The following SAP30BP variants were observed in gnomAD, a reference collection of about 807,000 sequenced individuals.
The protein encoded by SAP30BP is SAP30-binding protein.
In SAP30BP, 31 loss-of-function variants were observed where a neutral mutation model predicts 46.3. The observed-to-expected ratio is 0.67, with a 90% CI of 0.50 to 0.90. The LOEUF is 0.90. Ranked by LOEUF, SAP30BP falls within the 40% of genes least tolerant of loss-of-function variation. The pLI is 0.00. For missense variants in SAP30BP, 312 were observed against 391.0 expected, an observed-to-expected ratio of 0.80 and a Z score of 1.70; for synonymous variants, 169 against 144.2, an observed-to-expected ratio of 1.17 and a Z score of -1.23.
At chr17:75,668,476 TCTTGC>T (rs765941034) in intron 1 of SAP30BP, 35 bp from the exon 2 acceptor site, 1 of 1,294,172 alleles carries the variant, frequency 7.7e-7, no homozygotes, top group African/African-American at 1.5e-5. Flanking sequence ...GTTTTTTTTT[TCTTGC>T]TTTTTGTTTG....
intron 8 of SAP30BP, 31 bp from the exon 9 acceptor site, chr17:75,704,725 A>G (rs751353721): frequency 6.3e-7 from 1 of 1,587,242 alleles, no homozygotes; most frequent in Middle Eastern, 1.7e-4. Flanking sequence ...CTCGGGGGCC[A>G]CCTTTGTAAC....
chr17:75,691,763 G>A (rs1327421848), intron 3 of SAP30BP: 1 of 262,734 alleles, frequency 3.8e-6, no homozygotes, highest in Non-Finnish European at 7.6e-6. Context: ...GGTGAGGGAG[G>A]AGCTGATGTT....
intron 4 of SAP30BP, among the ~76,000 whole-genome samples, chr17:75,699,423 C>T (rs1395523260): frequency 1.3e-5 from 2 of 151,804 alleles, no homozygotes; most frequent in African/African-American, 4.8e-5. Flanking sequence ...AACTCCTGAC[C>T]TCAAATGATC....
intron 3 of SAP30BP, among the ~76,000 whole-genome samples, chr17:75,682,430 C>T (rs2060091098): frequency 1.3e-5 from 2 of 152,100 alleles, no homozygotes; most frequent in African/African-American, 4.8e-5. Flanking sequence ...GGTGATACAC[C>T]TGCCTCGGCC....
chr17:75,706,315 A>T lies in SAP30BP; in HGVS notation c.746-25A>T. On this transcript the variant is annotated intron_variant, in intron 10 of 10. Coordinates refer to ENST00000584667, the MANE Select transcript of SAP30BP (RefSeq NM_013260.8). The surrounding 1 kb of genome is among the most constrained non-coding windows in gnomAD (Gnocchi z 4.6). ...GGGCACCGCTCATTGGTGGATCGTG[A>T]TCCTGATTTCTGCTTTATCTCCAGA... The T allele has an allele frequency of 6.2e-7, 1 of 1,607,700 alleles. No homozygotes were observed. Among genetic ancestry groups the T allele is most frequent in the Non-Finnish European group, 8.5e-7 (1 of 1,177,748 alleles).
At chr17:75,679,882 T>TC (rs1374802544) in intron 3 of SAP30BP, 1 of 152,190 alleles carries the variant, frequency 6.6e-6, no homozygotes, top group African/African-American at 2.4e-5. Flanking sequence ...AAGTGCTTCC[T>TC]CCCCCTGTTT....
intron 3 of SAP30BP, among the ~76,000 whole-genome samples, chr17:75,673,263 TTC>T: frequency 6.6e-6 from 1 of 152,270 alleles, no homozygotes; most frequent in East Asian, 1.9e-4. Context: ...GCAACCTGCT[TTC>T]TATGCTGAGT....
At chr17:75,669,749 T>C (rs2059881690) in intron 2 of SAP30BP, among the ~76,000 whole-genome samples, 1 of 152,186 alleles carries the variant, frequency 6.6e-6, no homozygotes, top group Non-Finnish European at 1.5e-5. Context: ...CCCTTAGTTC[T>C]TGATCACAAA....
chr17:75,684,618 GTCT>G (rs2060130508), intron 3 of SAP30BP: 1 of 152,186 alleles, frequency 6.6e-6, no homozygotes, highest in South Asian at 2.1e-4. Context: ...ACGATGGATG[GTCT>G]TCTTTAGGCT....
At position 75,706,651 on chromosome 17, in the gene SAP30BP, T is replaced by A; in HGVS notation, c.*130T>A. On this transcript the variant is annotated 3_prime_UTR_variant, in exon 11 of 11. Transcript: ENST00000584667. The surrounding 1 kb of genome is among the most constrained non-coding windows in gnomAD (Gnocchi z 4.6). ...ATGCCACCTGAGAGGAGCTTCTGTTTGGCATTCCAGATGGAAGGACAGGCA... is the reference window on the plus strand; with the variant it reads ...ATGCCACCTGAGAGGAGCTTCTGTTAGGCATTCCAGATGGAAGGACAGGCA... The A allele has an allele frequency of 1.2e-6, 1 of 855,914 alleles. No homozygotes were observed. The highest frequency in any genetic ancestry group is 1.8e-6 in the Non-Finnish European group (1 of 552,794). The allele number at this position is 855,914 out of a possible 1,614,324, so 53.0% of individuals were successfully genotyped here. A position where few individuals can be genotyped will look rare whatever the true frequency, so the allele number is the denominator to read the frequency against.
At chr17:75,692,509 C>G in intron 3 of SAP30BP, 2 of 985,416 alleles carry the variant, frequency 2.0e-6, no homozygotes, top group African/African-American at 3.5e-5. Flanking sequence ...TGTCAGCAAC[C>G]CAGAAATGGG....
At chr17:75,700,701 C>A (rs2060395863) in intron 5 of SAP30BP, among the ~76,000 whole-genome samples, 1 of 152,200 alleles carries the variant, frequency 6.6e-6, no homozygotes, top group African/African-American at 2.4e-5. Flanking sequence ...AAGTCTCCTC[C>A]CATTGCTGGG....
chr17:75,703,101 G>A, intron 6 of SAP30BP: 1 of 578,182 alleles, frequency 1.7e-6, no homozygotes, highest in Non-Finnish European at 3.1e-6. Context: ...ACAAAACTCA[G>A]CCGTCACCTT....
At position 75,668,624 on chromosome 17, in the gene SAP30BP, C is replaced by T. The variant is rs200034773; in HGVS notation, c.215C>T (p.Ser72Leu). 4 of 1,578,076 alleles carry T rather than the reference C, an allele frequency of 2.5e-6. No homozygotes were observed. The highest frequency in any genetic ancestry group is 1.4e-5 in the African/African-American group (1 of 73,528). Residue 72 changes from serine to leucine, a missense_variant and splice_region_variant, in exon 2 of 11, where the codon TCG becomes TTG. Coordinates refer to ENST00000584667, the MANE Select transcript of SAP30BP (RefSeq NM_013260.8). ...EEEEDENSRQ[S>L]EDDDSETEKP... Reference sequence around the variant, plus strand: ...GAAGAAGATGAGAACAGTAGACAGTCGGTAGGTAAATCTCCCAGATCCAGA... The same window carrying T: ...GAAGAAGATGAGAACAGTAGACAGTTGGTAGGTAAATCTCCCAGATCCAGA...
At chr17:75,677,462 T>G (rs1338779256) in intron 3 of SAP30BP, among the ~76,000 whole-genome samples, 4 of 143,676 alleles carry the variant, frequency 2.8e-5, no homozygotes, top group African/African-American at 1.0e-4. Flanking sequence ...AAACGAAGTC[T>G]CGCTCTGTCA....
intron 8 of SAP30BP, among the ~76,000 whole-genome samples, chr17:75,704,396 A>G (rs1011284481): frequency 2.0e-5 from 3 of 152,134 alleles, no homozygotes; most frequent in Non-Finnish European, 4.4e-5. Context: ...GCCTTCATGA[A>G]TTTTGTCATC....
At chr17:75,669,434 G>T (rs1343578633) in intron 2 of SAP30BP, among the ~76,000 whole-genome samples, 1 of 151,914 alleles carries the variant, frequency 6.6e-6, no homozygotes, top group South Asian at 2.1e-4. Context: ...TCACAGAGAC[G>T]GTTTCACCAT....
intron 4 of SAP30BP, among the ~76,000 whole-genome samples, chr17:75,697,507 T>A (rs1197771701): frequency 1.3e-5 from 2 of 152,170 alleles, no homozygotes; most frequent in African/African-American, 2.4e-5. Flanking sequence ...AAGCACCTCG[T>A]CTCCTGCTCT....
At chr17:75,696,677 A>C (rs2060324770) in intron 4 of SAP30BP, among the ~76,000 whole-genome samples, 1 of 151,324 alleles carries the variant, frequency 6.6e-6, no homozygotes, top group African/African-American at 2.4e-5. Context: ...ACTTCTATCT[A>C]GTTTTCCCGA....
Sources: allele counts gnomAD v4.1 joint callset (sites outside exome capture counted in the v4.1 genomes callset), GRCh38; gene constraint gnomAD v4.1.1; non-coding constraint Gnocchi (gnomAD v3.1); transcripts MANE v1.5; gene names NCBI Gene and HGNC (gene_info 2026-07-23, HGNC 2026-07-21).